PCDHGA1: variants seen among roughly 807,000 people sequenced by gnomAD.
The protein encoded by PCDHGA1 is protocadherin gamma subfamily A, 1, also known as protocadherin gamma-A1.
A neutral mutation model predicts 58.0 loss-of-function variants in PCDHGA1; 32 were observed. The ratio of observed to expected loss-of-function variants is 0.55; its 90% confidence interval spans 0.42 to 0.74. The LOEUF is 0.74. Among genes scored for constraint, PCDHGA1 ranks in the 30% least tolerant of loss-of-function variants. The pLI is 0.00. For missense variants in PCDHGA1, 1,205 were observed against 1,182.3 expected (o/e 1.02, Z -0.28); for synonymous variants, 498 against 501.1 (o/e 0.99, Z 0.08).
chr5:141,421,446 A>G, intron 1 of PCDHGA1: 1 of 1,614,106 alleles, frequency 6.2e-7, no homozygotes, highest in Non-Finnish European at 8.5e-7. Flanking sequence ...GAGGGAAGAC[A>G]CAGCTTTTCG....
chr5:141,464,389 A>G (rs2099082481), intron 1 of PCDHGA1, among the ~76,000 whole-genome samples: 1 of 151,766 alleles, frequency 6.6e-6, no homozygotes, highest in Non-Finnish European at 1.5e-5. Flanking sequence ...AAAAATGCTA[A>G]TGAAGAACCT....
chr5:141,339,124 C>T (rs1307758381), intron 1 of PCDHGA1: 2 of 1,614,244 alleles, frequency 1.2e-6, no homozygotes, highest in South Asian at 1.1e-5. Flanking sequence ...TCGCCAAGGA[C>T]TTGGGTTTGG....
At chr5:141,421,535 G>GT (rs975619932) in intron 1 of PCDHGA1, 8 of 1,614,032 alleles carry the variant, frequency 5.0e-6, no homozygotes, top group Non-Finnish European at 6.8e-6. Flanking sequence ...GTGTCCTCCT[G>GT]TTTTTTAAAT....
chr5:141,486,828 G>A lies in PCDHGA1; in HGVS notation c.2422-7979G>A, dbSNP rs140257646. 77 of 1,614,218 alleles carry A rather than the reference G, an allele frequency of 4.8e-5. 1 individual carries two copies. In the East Asian group the frequency reaches 1.2e-3, roughly 26 times the overall value. On this transcript the variant is annotated intron_variant, in intron 1 of 3. Transcript: ENST00000517417. This position sits in a 1 kb window ranked among gnomAD's most constrained non-coding sequence, Gnocchi z 5.0. ...CCCCTTAGCAGCACTGTAACAGTTCGTCTATTTGTGCTGGACCTCAATGAC... is the reference window on the plus strand; with the variant it reads ...CCCCTTAGCAGCACTGTAACAGTTCATCTATTTGTGCTGGACCTCAATGAC...
intron 1 of PCDHGA1, chr5:141,400,587 C>T: frequency 6.2e-7 from 1 of 1,606,696 alleles, no homozygotes; most frequent in South Asian, 1.1e-5. Flanking sequence ...TTACATGAAA[C>T]TATCGTACAT....
chr5:141,396,525 C>T (rs2093390810), intron 1 of PCDHGA1: 1 of 151,326 alleles, frequency 6.6e-6, no homozygotes, highest in Non-Finnish European at 1.5e-5. Context: ...GAGGCTGAGG[C>T]AGAAGAATCA....
rs1434083091 is a variant in PCDHGA1 at position 141,450,833 on chromosome 5, T to TA, written c.2422-43974_2422-43973insA. 6.4e-3 allele frequency among the ~76,000 whole-genome samples: 943 copies of TA among 147,260 alleles called. 6 individuals carry two copies. The highest frequency in any genetic ancestry group is 0.014 in the Middle Eastern group (4 of 276). ...TTATTTAATATTATTATTATTATTT[T>TA]TTTTTTTTTGAGATGGGGTCTTGCT... is the stretch of plus-strand genomic sequence containing the variant. On this transcript the variant is annotated intron_variant, in intron 1 of 3. Coordinates refer to ENST00000517417, the MANE Select transcript of PCDHGA1 (RefSeq NM_018912.3).
intron 1 of PCDHGA1, among the ~76,000 whole-genome samples, chr5:141,349,468 A>G (rs1457448443): frequency 6.6e-6 from 1 of 152,214 alleles, no homozygotes; most frequent in Non-Finnish European, 1.5e-5. Flanking sequence ...GTGTACCCCA[A>G]CACTAAATTG....
chr5:141,375,235 T>C (rs1335648205), intron 1 of PCDHGA1: 1 of 1,613,872 alleles, frequency 6.2e-7, no homozygotes, highest in Non-Finnish European at 8.5e-7. Flanking sequence ...TGGTAACCTG[T>C]TCCATCCCGA....
At chr5:141,347,079 C>G (rs1408500048) in intron 1 of PCDHGA1, among the ~76,000 whole-genome samples, 7 of 150,158 alleles carry the variant, frequency 4.7e-5, no homozygotes, top group Admixed American at 3.3e-4. Flanking sequence ...TCCTCTCTCT[C>G]TTTCCTCCTT....
chr5:141,364,354 G>C (rs1256054518), intron 1 of PCDHGA1: 1 of 1,554,444 alleles, frequency 6.4e-7, no homozygotes, highest in Non-Finnish European at 8.7e-7. Context: ...CTAGGGGCTG[G>C]GGCTGCGGAG....
In PCDHGA1 at chr5:141,364,854, A is replaced by G. The variant is rs142073719; in HGVS notation, c.2421+31749A>G. The G allele has an allele frequency of 1.4e-3, 2,225 of 1,614,018 alleles. 3 individuals carry two copies. Among genetic ancestry groups the G allele is most frequent in the Non-Finnish European group, 1.7e-3 (2,042 of 1,179,888 alleles). ...CTCCGGAGTTACCAGCTCAGCTCCA[A>G]TCTGCACTTCTCTCTGGATGTGGTA... On this transcript the variant is annotated intron_variant, in intron 1 of 3. Transcript: ENST00000517417.
rs753872725 is a variant in PCDHGA1, at chr5:141,423,153, C to T, written c.2422-71654C>T. ...TGGACAGAGACGCGCTCAAGCAGAG[C>T]CTCGTGGTGGCCGTCCAGGACCACG... On this transcript the variant is annotated intron_variant, in intron 1 of 3. Transcript: ENST00000517417. The T allele has an allele frequency of 3.7e-6, 6 of 1,613,482 alleles. No homozygotes were observed. The East Asian group carries it at 8.9e-5, about 24-fold the overall frequency.
At chr5:141,445,282 T>G (rs1023693067) in intron 1 of PCDHGA1, among the ~76,000 whole-genome samples, 4 of 152,220 alleles carry the variant, frequency 2.6e-5, no homozygotes, top group Non-Finnish European at 5.9e-5. Context: ...TCTGCATAAG[T>G]TCAGGCTTCC....
intron 1 of PCDHGA1, among the ~76,000 whole-genome samples, chr5:141,450,826 A>ATT (rs764729742): frequency 0.025 from 3,390 of 134,266 alleles, 60 homozygotes; most frequent in Middle Eastern, 0.057. Flanking sequence ...TATTATTATT[A>ATT]TTATTTTTTT....
intron 1 of PCDHGA1, chr5:141,343,885 G>A: frequency 1.5e-6 from 1 of 650,068 alleles, no homozygotes; most frequent in Admixed American, 3.2e-5. Flanking sequence ...AGAAGATCCG[G>A]GGCGGCTGCC....
intron 1 of PCDHGA1, chr5:141,357,273 C>G (rs111314276): frequency 3.1e-6 from 5 of 1,613,852 alleles, no homozygotes; most frequent in African/African-American, 2.7e-5. Context: ...GCCTCACACT[C>G]TATCTCGTGG....
intron 2 of PCDHGA1, among the ~76,000 whole-genome samples, chr5:141,501,526 G>A (rs2099809738): frequency 6.6e-6 from 1 of 151,962 alleles, no homozygotes; most frequent in Non-Finnish European, 1.5e-5. Context: ...CTGAAGCCCA[G>A]TACGTTGTTG....
rs991408001 is a variant in PCDHGA1, at chr5:141,450,171, C to G, written c.2422-44636C>G. Among the ~76,000 whole-genome samples, 5 of 151,690 alleles carry G rather than the reference C, an allele frequency of 3.3e-5. No individual in the cohort carries two copies. In the East Asian group the frequency reaches 7.8e-4, roughly 24 times the overall value. ...ACAGGCATGTGCCACCACACTCCCACCACACCCAGCTAATTTTTGTATTTT... is the reference window on the plus strand; with the variant it reads ...ACAGGCATGTGCCACCACACTCCCAGCACACCCAGCTAATTTTTGTATTTT... On this transcript the variant is annotated intron_variant, in intron 1 of 3. Transcript: ENST00000517417.
Sources: gnomAD v4.1 joint callset for allele counts (sites outside exome capture counted in the v4.1 genomes callset) on GRCh38, gnomAD v4.1.1 for gene constraint, Gnocchi (gnomAD v3.1) non-coding constraint, MANE v1.5 for transcripts, NCBI Gene and HGNC (gene_info 2026-07-23, HGNC 2026-07-21) for gene names.